The following GRXCR1 variants were observed in gnomAD, a reference collection of about 807,000 sequenced individuals.
GRXCR1 encodes glutaredoxin domain-containing cysteine-rich protein 1.
A neutral mutation model predicts 27.3 loss-of-function variants in GRXCR1; 27 were observed. That is an observed-to-expected ratio of 0.99 (90% confidence interval 0.73 to 1.37). GRXCR1 has a LOEUF of 1.37. Among genes scored for constraint, GRXCR1 ranks in the 40% most tolerant of loss-of-function variants. GRXCR1 has a pLI of 0.00. For missense variants in GRXCR1, 379 were observed against 354.4 expected (o/e 1.07, Z -0.56); for synonymous variants, 122 against 131.1 (o/e 0.93, Z 0.47).
At chr4:43,022,554 T>C (rs1713128715) in intron 3 of GRXCR1, among the ~76,000 whole-genome samples, 1 of 152,248 alleles carries the variant, frequency 6.6e-6, no homozygotes, top group Non-Finnish European at 1.5e-5. Context: ...ATTGGCTTTC[T>C]ACTGTTATAG....
At chr4:42,958,794 G>A (rs1391561800) in intron 1 of GRXCR1, among the ~76,000 whole-genome samples, 1 of 151,928 alleles carries the variant, frequency 6.6e-6, no homozygotes, top group Non-Finnish European at 1.5e-5. Context: ...CATACAAATA[G>A]CCAAGAGAGA....
At chr4:42,984,620 C>G (rs1354916594) in intron 2 of GRXCR1, among the ~76,000 whole-genome samples, 1 of 152,208 alleles carries the variant, frequency 6.6e-6, no homozygotes, top group East Asian at 1.9e-4. Flanking sequence ...GTCACTGAGG[C>G]TGGCACAGTT....
intron 1 of GRXCR1, among the ~76,000 whole-genome samples, chr4:42,921,039 A>G (rs1746998160): frequency 6.6e-6 from 1 of 152,128 alleles, no homozygotes; most frequent in African/African-American, 2.4e-5. Flanking sequence ...AATGGTCTGA[A>G]TGTGTCCCTT....
chr4:42,995,900 T>G (rs1312908199), intron 2 of GRXCR1, among the ~76,000 whole-genome samples: 2 of 152,212 alleles, frequency 1.3e-5, no homozygotes, highest in African/African-American at 4.8e-5. Flanking sequence ...TCAGTGCAAC[T>G]CTGCAGTGTA....
intron 1 of GRXCR1, among the ~76,000 whole-genome samples, chr4:42,894,657 T>C (rs1746309415): frequency 6.6e-6 from 1 of 151,604 alleles, no homozygotes; most frequent in Admixed American, 6.6e-5. Flanking sequence ...TTTAAAAAAT[T>C]AGTTTTTGTT....
chr4:42,969,823 C>T (rs1031328562), intron 2 of GRXCR1, among the ~76,000 whole-genome samples: 7 of 152,102 alleles, frequency 4.6e-5, no homozygotes, highest in Non-Finnish European at 1.5e-5. Flanking sequence ...CATGCCTTCC[C>T]AACCGTCCCC....
chr4:42,896,700 T>A (rs1341551480), intron 1 of GRXCR1, among the ~76,000 whole-genome samples: 1 of 152,102 alleles, frequency 6.6e-6, no homozygotes, highest in African/African-American at 2.4e-5. Flanking sequence ...GGCTTGAGAA[T>A]CATTGACCTA....
intron 1 of GRXCR1, among the ~76,000 whole-genome samples, chr4:42,948,252 A>G (rs1317391015): frequency 6.7e-6 from 1 of 148,426 alleles, no homozygotes; most frequent in Non-Finnish European, 1.5e-5. Flanking sequence ...TTTTTTTAAT[A>G]CCTGAAAGGA....
intron 1 of GRXCR1, among the ~76,000 whole-genome samples, chr4:42,900,297 T>G (rs1746431697): frequency 1.3e-5 from 2 of 152,216 alleles, no homozygotes; most frequent in African/African-American, 4.8e-5. Flanking sequence ...TGCACAAATC[T>G]ACTCAATAAA....
In GRXCR1 at chr4:42,954,349, G is replaced by A. The variant is rs539112651; in HGVS notation, c.385-8543G>A. 1.4e-4 allele frequency among the ~76,000 whole-genome samples: 21 copies of A among 152,154 alleles called. 1 individual carries two copies. The South Asian group carries it at 3.3e-3, about 24-fold the overall frequency. The stretch of plus-strand genomic sequence containing the variant: ...ACTGTCCCTGTGACAGCCTCTTCAT[G>A]GTACATTTTACCACTATTTTAGAAC... On this transcript the variant is annotated intron_variant, in intron 1 of 3. Coordinates refer to ENST00000399770, the MANE Select transcript of GRXCR1 (RefSeq NM_001080476.3).
chr4:42,943,030 A>G (rs1184707550), intron 1 of GRXCR1, among the ~76,000 whole-genome samples: 5 of 152,042 alleles, frequency 3.3e-5, no homozygotes, highest in Non-Finnish European at 7.4e-5. Context: ...GAAGGGCTGG[A>G]TGTGGCAAGT....
chr4:42,894,205 A>G (rs1229566736), intron 1 of GRXCR1, among the ~76,000 whole-genome samples: 1 of 152,092 alleles, frequency 6.6e-6, no homozygotes, highest in Non-Finnish European at 1.5e-5. Context: ...TAAAAATTCT[A>G]GGATGATGCT....
chr4:42,952,336 A>C (rs1747903248), intron 1 of GRXCR1, among the ~76,000 whole-genome samples: 1 of 152,124 alleles, frequency 6.6e-6, no homozygotes, highest in Non-Finnish European at 1.5e-5. Context: ...CCAAAGAAGA[A>C]GGCAGCTGAG....
intron 2 of GRXCR1, among the ~76,000 whole-genome samples, chr4:42,997,250 G>T (rs1712196792): frequency 6.6e-6 from 1 of 151,560 alleles, no homozygotes; most frequent in Non-Finnish European, 1.5e-5. Context: ...CTTTATTTTT[G>T]TCATCTGTAG....
intron 1 of GRXCR1, among the ~76,000 whole-genome samples, chr4:42,955,261 T>C (rs1747972307): frequency 6.6e-6 from 1 of 151,926 alleles, no homozygotes; most frequent in Admixed American, 6.6e-5. Context: ...CTCAAAGAAA[T>C]CATTTTAGAC....
chr4:42,895,912 C>T (rs1053994902), intron 1 of GRXCR1, among the ~76,000 whole-genome samples: 12 of 152,110 alleles, frequency 7.9e-5, no homozygotes, highest in African/African-American at 2.9e-4. Flanking sequence ...GCAAAGTAAG[C>T]GGTAAACTTG....
intron 3 of GRXCR1, among the ~76,000 whole-genome samples, chr4:43,020,901 T>C (rs989016328): frequency 2.6e-5 from 4 of 152,216 alleles, no homozygotes; most frequent in African/African-American, 9.6e-5. Flanking sequence ...CAAATACTTA[T>C]AAAATTAACA....
chr4:42,923,891 G>A (rs1747081355), intron 1 of GRXCR1, among the ~76,000 whole-genome samples: 1 of 152,088 alleles, frequency 6.6e-6, no homozygotes, highest in South Asian at 2.1e-4. Context: ...GAAGTTTCAA[G>A]ATGCTGGTGA....
intron 1 of GRXCR1, among the ~76,000 whole-genome samples, chr4:42,957,959 G>T (rs1242516036): frequency 6.6e-6 from 1 of 151,770 alleles, no homozygotes; most frequent in Admixed American, 6.6e-5. Flanking sequence ...TGTTTTCCTG[G>T]ATGCTTTTAA....
Sources: gnomAD v4.1 joint callset for allele counts (sites outside exome capture counted in the v4.1 genomes callset) on GRCh38, gnomAD v4.1.1 for gene constraint, MANE v1.5 for transcripts, NCBI Gene and HGNC (gene_info 2026-07-23, HGNC 2026-07-21) for gene names.